The following GCH1 variants were observed in gnomAD, a reference collection of about 807,000 sequenced individuals.
GCH1 encodes GTP cyclohydrolase I.
Under a neutral mutation model 25.9 loss-of-function variants are expected in GCH1, and 5 were observed. The observed-to-expected ratio is 0.19, with a 90% confidence interval of 0.10 to 0.41. GCH1 has a LOEUF of 0.41. Ranked by LOEUF, GCH1 falls within the 10% of genes least tolerant of loss-of-function variation. The pLI, the probability that GCH1 is intolerant of heterozygous loss-of-function variation, is 1.00. For synonymous variants in GCH1, 159 were observed against 129.6 expected (o/e 1.23, Z -1.54); for missense variants, 261 against 336.5 (o/e 0.78, Z 1.75).
intron 1 of GCH1, among the ~76,000 whole-genome samples, chr14:54,893,410 A>G (rs762203487): frequency 6.7e-5 from 10 of 149,420 alleles, no homozygotes; most frequent in African/African-American, 1.0e-4. Context: ...CAGTCCTCAT[A>G]TAGAAATCAC....
intron 3 of GCH1, among the ~76,000 whole-genome samples, chr14:54,851,823 C>G (rs2039735443): frequency 6.6e-6 from 1 of 152,198 alleles, no homozygotes; most frequent in South Asian, 2.1e-4. Flanking sequence ...GGCGATTCCT[C>G]AGGGATCTAG....
intron 1 of GCH1, among the ~76,000 whole-genome samples, chr14:54,889,053 C>A (rs2040391779): frequency 6.6e-6 from 1 of 152,126 alleles, no homozygotes; most frequent in Non-Finnish European, 1.5e-5. Flanking sequence ...TAAGTATGGC[C>A]TCCGTGGAGG....
At chr14:54,870,410 G>A (rs2040054065) in intron 1 of GCH1, among the ~76,000 whole-genome samples, 1 of 150,228 alleles carries the variant, frequency 6.7e-6, no homozygotes, top group Non-Finnish European at 1.5e-5. Context: ...CCAGTCTACA[G>A]CTCCCAGTGT....
chr14:54,845,639 G>T, intron 5 of GCH1, 129 bp downstream of exon 5: 1 of 741,756 alleles, frequency 1.3e-6, no homozygotes, highest in Non-Finnish European at 2.5e-6. Flanking sequence ...TAGGCTCAGG[G>T]ATGGAAATCT....
chr14:54,865,980 T>G (rs897169772), intron 1 of GCH1, among the ~76,000 whole-genome samples: 29 of 152,168 alleles, frequency 1.9e-4, no homozygotes, highest in African/African-American at 6.8e-4. Flanking sequence ...AGACTTATTC[T>G]AAACAGTTGC....
At chr14:54,900,088 C>T (rs913346957) in intron 1 of GCH1, among the ~76,000 whole-genome samples, 2 of 152,110 alleles carry the variant, frequency 1.3e-5, no homozygotes, top group Admixed American at 1.3e-4. Flanking sequence ...TGGTCTCGAA[C>T]TCCTGACCTC....
At chr14:54,891,269 AT>A (rs1329098579) in intron 1 of GCH1, among the ~76,000 whole-genome samples, 2 of 150,794 alleles carry the variant, frequency 1.3e-5, no homozygotes, top group South Asian at 2.1e-4. Context: ...TGCCCAGCAA[AT>A]TTTTTTGTAT....
intron 1 of GCH1, among the ~76,000 whole-genome samples, chr14:54,900,882 CA>C (rs2040556576): frequency 1.4e-5 from 2 of 144,392 alleles, no homozygotes; most frequent in African/African-American, 5.3e-5. Flanking sequence ...CACACACACA[CA>C]CACACAAATT....
At chr14:54,868,439 T>TA (rs920960414) in intron 1 of GCH1, among the ~76,000 whole-genome samples, 25 of 144,862 alleles carry the variant, frequency 1.7e-4, no homozygotes, top group South Asian at 4.4e-4. Context: ...GTTTAAAAAT[T>TA]AAAAAAAAAA....
intron 1 of GCH1, among the ~76,000 whole-genome samples, chr14:54,874,280 C>A (rs2040125616): frequency 6.6e-6 from 1 of 152,156 alleles, no homozygotes. Context: ...AGTCCTGTGA[C>A]AAAATTCAAC....
intron 1 of GCH1, among the ~76,000 whole-genome samples, chr14:54,899,515 T>C (rs1021517607): frequency 2.0e-5 from 3 of 152,132 alleles, no homozygotes; most frequent in Admixed American, 6.6e-5. Context: ...CCATGGACTT[T>C]TCTTTTCTGA....
chr14:54,853,508 T>G (rs2039765235), intron 3 of GCH1, among the ~76,000 whole-genome samples: 2 of 152,198 alleles, frequency 1.3e-5, no homozygotes, highest in Admixed American at 6.5e-5. Context: ...GCCTCATGCT[T>G]TCCCGAAAGT....
At chr14:54,863,143 G>C (rs552982205) in intron 2 of GCH1, among the ~76,000 whole-genome samples, 1 of 152,086 alleles carries the variant, frequency 6.6e-6, no homozygotes, top group Non-Finnish European at 1.5e-5. Flanking sequence ...TTTAGGGCCA[G>C]GTGCGGTGGC....
chr14:54,882,537 A>T (rs2040285989), intron 1 of GCH1, among the ~76,000 whole-genome samples: 1 of 152,234 alleles, frequency 6.6e-6, no homozygotes, highest in African/African-American at 2.4e-5. Context: ...TTTTAAAAAC[A>T]CACACACACT....
intron 2 of GCH1, among the ~76,000 whole-genome samples, chr14:54,865,042 CAAAA>C (rs56813558): frequency 6.9e-6 from 1 of 145,726 alleles, no homozygotes; most frequent in Non-Finnish European, 1.5e-5. Flanking sequence ...GTAGTAGCTA[CAAAA>C]AAAAAAAAAG....
At chr14:54,899,201 C>G (rs1046496162) in intron 1 of GCH1, among the ~76,000 whole-genome samples, 31 of 152,132 alleles carry the variant, frequency 2.0e-4, no homozygotes, top group African/African-American at 7.5e-4. Context: ...TGGCTCACAC[C>G]TGTAATCCTA....
chr14:54,872,015 C>T (rs1402509604), intron 1 of GCH1, among the ~76,000 whole-genome samples: 5 of 151,064 alleles, frequency 3.3e-5, no homozygotes, highest in African/African-American at 7.3e-5. Context: ...AGATACTCCT[C>T]GAGAAGAGCA....
intron 2 of GCH1, among the ~76,000 whole-genome samples, chr14:54,860,678 C>CT (rs1422491242): frequency 6.6e-6 from 1 of 151,896 alleles, no homozygotes; most frequent in African/African-American, 2.4e-5. Flanking sequence ...GTAGCCGGGA[C>CT]TACAGGCGCC....
chr14:54,873,400 C>G (rs1288201797), intron 1 of GCH1, among the ~76,000 whole-genome samples: 2 of 152,080 alleles, frequency 1.3e-5, no homozygotes, highest in Non-Finnish European at 2.9e-5. Flanking sequence ...CAGGAAAGAT[C>G]TAAAATTGAC....
Sources: allele counts gnomAD v4.1 joint callset (sites outside exome capture counted in the v4.1 genomes callset), GRCh38; gene constraint gnomAD v4.1.1; transcripts MANE v1.5; gene names NCBI Gene and HGNC (gene_info 2026-07-23, HGNC 2026-07-21).